Variants in LMF1 observed in about 807,000 individuals in gnomAD.
The protein encoded by LMF1 is transmembrane protein 112.
LMF1 carries 68 observed loss-of-function variants against 60.6 expected under a neutral mutation model. That is an observed-to-expected ratio of 1.12 (90% CI 0.92 to 1.37). LMF1 has a LOEUF of 1.37. Ranked by LOEUF, LMF1 falls within the 40% of genes most tolerant of loss-of-function variation. LMF1 has a pLI of 0.00. For synonymous variants in LMF1, 418 were observed against 324.7 expected (o/e 1.29, Z -3.09); for missense variants, 948 against 767.2 (o/e 1.24, Z -2.78).
intron 5 of LMF1, chr16:881,636 T>C (rs1367200429): frequency 1.3e-5 from 2 of 152,286 alleles, no homozygotes; most frequent in Non-Finnish European, 2.9e-5. Flanking sequence ...GTGCCCCATG[T>C]GGGACCCACC....
Position 970,871 on chromosome 16 carries a change from G to A in LMF1, c.110C>T (p.Pro37Leu). ...GTGGAGATGGGCCGGAGAGCCTGCG[G>A]GGCCACGCCCCGGCGCGGGCGGCGA... ...PESPPAPGRG[P>L]AGSPAHLHTG... Residue 37 changes from proline (P) to leucine (L), a missense_variant, in exon 1 of 11, where the codon CCC becomes CTC. Pro to Leu is a moderately conservative substitution (Grantham distance 98, BLOSUM62 -3). Coordinates refer to ENST00000262301, the MANE Select transcript of LMF1 (RefSeq NM_022773.4). 1 of 1,567,486 alleles carries A rather than the reference G, an allele frequency of 6.4e-7. No homozygotes were observed. The highest frequency in any genetic ancestry group is 1.4e-5 in the African/African-American group (1 of 72,400).
At chr16:976,950 G>A in intron 1 of LMF1, 1 of 453,854 alleles carries the variant, frequency 2.2e-6, no homozygotes, top group Non-Finnish European at 4.4e-6. Context: ...AGTGCGAGGT[G>A]AAGATGGGGA....
intron 5 of LMF1, chr16:885,111 G>A (rs1465104653): frequency 6.6e-6 from 1 of 152,254 alleles, no homozygotes; most frequent in Non-Finnish European, 1.5e-5. Flanking sequence ...GGAAAATACT[G>A]TTGGGAGAAT....
intron 5 of LMF1, among the ~76,000 whole-genome samples, chr16:889,836 A>G (rs1013266881): frequency 6.6e-6 from 1 of 152,146 alleles, no homozygotes; most frequent in Non-Finnish European, 1.5e-5. Flanking sequence ...GTGCCTCGTC[A>G]TCAAGACACA....
At chr16:933,878 C>A in intron 3 of LMF1, 1 of 1,042,122 alleles carries the variant, frequency 9.6e-7, no homozygotes, top group Non-Finnish European at 1.3e-6. Context: ...AGCGTGAGTG[C>A]CGTGAGCACC....
chr16:979,206 C>T (rs2073264832), intron 1 of LMF1: 1 of 416,418 alleles, frequency 2.4e-6, no homozygotes, highest in Non-Finnish European at 4.9e-6. Context: ...CCTCTCAGGC[C>T]TAGTGGCTCA....
At chr16:892,462 A>C in intron 5 of LMF1, among the ~76,000 whole-genome samples, 1 of 152,168 alleles carries the variant, frequency 6.6e-6, no homozygotes, top group Non-Finnish European at 1.5e-5. Flanking sequence ...GACCACTCCC[A>C]GCCCCCATGT....
rs191535820 is a variant in LMF1 at position 888,939 on chromosome 16, C to T, written c.729+4068G>A. 1.3e-3 allele frequency among the ~76,000 whole-genome samples: 198 copies of T among 152,342 alleles called. 2 individuals are homozygous for T. The South Asian group carries it at 0.015, about 12-fold the overall frequency. ...GCTGCATCCCCCCTCTCCTGTGCTG[C>T]GCTGGCCCTGGGATCCTGGGGGTCC... is the stretch of plus-strand genomic sequence containing the variant. On this transcript the variant is annotated intron_variant, in intron 5 of 10. Coordinates refer to ENST00000262301, the MANE Select transcript of LMF1 (RefSeq NM_022773.4).
intron 2 of LMF1, among the ~76,000 whole-genome samples, chr16:937,288 T>C (rs1233685658): frequency 6.6e-6 from 1 of 152,240 alleles, no homozygotes; most frequent in Non-Finnish European, 1.5e-5. Context: ...CGTTAGAAGA[T>C]ACCGACTCCG....
intron 10 of LMF1, among the ~76,000 whole-genome samples, chr16:862,681 G>C (rs2069499757): frequency 6.6e-6 from 1 of 151,976 alleles, no homozygotes; most frequent in African/African-American, 2.4e-5. Flanking sequence ...ACCATGGCAA[G>C]ATCCTGTCTC....
At chr16:957,784 G>GC (rs1202018498) in intron 1 of LMF1, among the ~76,000 whole-genome samples, 1 of 152,060 alleles carries the variant, frequency 6.6e-6, no homozygotes, top group Admixed American at 6.5e-5. Flanking sequence ...CAGCCCCCCT[G>GC]CCCCCGACCC....
In LMF1 at chr16:879,742, A is replaced by AG; in HGVS notation, c.730-6dup. The AG allele has an allele frequency of 6.4e-7, 1 of 1,573,150 alleles. No individual in the cohort carries two copies. The highest frequency in any genetic ancestry group is 8.6e-7 in the Non-Finnish European group (1 of 1,159,752). On this transcript the variant is annotated splice_region_variant and splice_polypyrimidine_tract_variant and intron_variant, in intron 5 of 10. Transcript: ENST00000262301. ...AGGATTGGGCATCGGCTGGGTCTGC[A>AG]GGGACAGGAGGGGCCGTGAGGTGCC... is the stretch of plus-strand genomic sequence containing the variant.
chr16:976,171 G>GCA, intron 1 of LMF1: 2 of 453,130 alleles, frequency 4.4e-6, no homozygotes, highest in Non-Finnish European at 8.8e-6. Context: ...GAGGACCTCA[G>GCA]CCCCCCAGTG....
intron 2 of LMF1, among the ~76,000 whole-genome samples, chr16:935,470 T>C (rs962594473): frequency 6.6e-6 from 1 of 151,912 alleles, no homozygotes; most frequent in African/African-American, 2.4e-5. Context: ...GTCAGGGTTG[T>C]CGGTTGTCCA....
chr16:917,329 CAT>C (rs1491160283), intron 3 of LMF1, among the ~76,000 whole-genome samples: 26 of 99,414 alleles, frequency 2.6e-4, no homozygotes, highest in Middle Eastern at 4.6e-3. Flanking sequence ...AGAAATGCCA[CAT>C]GTGTGCACTG....
intron 3 of LMF1, among the ~76,000 whole-genome samples, chr16:926,191 A>C (rs1023299593): frequency 7.9e-5 from 12 of 151,004 alleles, no homozygotes; most frequent in Non-Finnish European, 1.3e-4. Flanking sequence ...TTTGCATATG[A>C]TCTGCATACG....
chr16:859,115 T>TCGGGACGGGTGTGCACTGATGTCA (rs2069329845), intron 10 of LMF1, among the ~76,000 whole-genome samples: 15 of 116,552 alleles, frequency 1.3e-4, no homozygotes, highest in African/African-American at 4.6e-4. Context: ...CAGTGATGTC[T>TCGGGACGGGTGTGCACTGATGTCA]CGGGACGGGT....
chr16:924,142 C>T (rs1044085822), intron 3 of LMF1, among the ~76,000 whole-genome samples: 1 of 152,164 alleles, frequency 6.6e-6, no homozygotes, highest in African/African-American at 2.4e-5. Context: ...CACAGCTATA[C>T]TGATGATGAT....
upstream of LMF1, among the ~76,000 whole-genome samples, chr16:974,164 A>T (rs1341754998): frequency 6.6e-6 from 1 of 152,232 alleles, no homozygotes; most frequent in Non-Finnish European, 1.5e-5. Flanking sequence ...CGCATCTAGC[A>T]GTTTAAAAAT....
Sources: allele counts gnomAD v4.1 joint callset (sites outside exome capture counted in the v4.1 genomes callset), GRCh38; gene constraint gnomAD v4.1.1; transcripts MANE v1.5; gene names NCBI Gene and HGNC (gene_info 2026-07-23, HGNC 2026-07-21).